The following HS6ST3 variants were observed in gnomAD, a reference collection of about 807,000 sequenced individuals.
The protein encoded by HS6ST3 is heparan-sulfate 6-O-sulfotransferase 3.
A neutral mutation model predicts 36.7 loss-of-function variants in HS6ST3; 12 were observed. The ratio of observed to expected loss-of-function variants is 0.33; its 90% CI spans 0.21 to 0.53. The LOEUF is 0.53. Among genes scored for constraint, HS6ST3 ranks in the 20% least tolerant of loss-of-function variants. HS6ST3 has a pLI of 0.95. For missense variants in HS6ST3, 584 were observed against 640.9 expected (o/e 0.91, Z 0.96); for synonymous variants, 240 against 257.5 (o/e 0.93, Z 0.65).
intron 1 of HS6ST3, among the ~76,000 whole-genome samples, chr13:96,652,070 C>T (rs1016983874): frequency 3.3e-5 from 5 of 151,900 alleles, no homozygotes; most frequent in African/African-American, 7.3e-5. Context: ...TATTAAACTT[C>T]TATTATATAT....
intron 1 of HS6ST3, among the ~76,000 whole-genome samples, chr13:96,705,209 T>C (rs1054981650): frequency 6.6e-6 from 1 of 152,192 alleles, no homozygotes; most frequent in African/African-American, 2.4e-5. Context: ...TGTATAATGA[T>C]TGGCATCCAC....
chr13:96,126,380 G>A (rs1227349124), intron 1 of HS6ST3, among the ~76,000 whole-genome samples: 5 of 152,194 alleles, frequency 3.3e-5, no homozygotes, highest in East Asian at 1.9e-4. Context: ...GACCTTAGTC[G>A]TTGAACCCTT....
chr13:96,331,471 A>G (rs1032115406), intron 1 of HS6ST3, among the ~76,000 whole-genome samples: 4 of 152,026 alleles, frequency 2.6e-5, no homozygotes, highest in Non-Finnish European at 5.9e-5. Context: ...TGCCGGGGGG[A>G]TGCCTCCCAG....
At chr13:96,209,772 G>A (rs1315376565) in intron 1 of HS6ST3, among the ~76,000 whole-genome samples, 3 of 152,150 alleles carry the variant, frequency 2.0e-5, no homozygotes, top group South Asian at 2.1e-4. Context: ...TACATAGCAC[G>A]GCTTCTGTCT....
chr13:96,469,029 G>T (rs2055828033), intron 1 of HS6ST3, among the ~76,000 whole-genome samples: 1 of 151,990 alleles, frequency 6.6e-6, no homozygotes, highest in Non-Finnish European at 1.5e-5. Context: ...TTTCCATGCT[G>T]TGTCTTTCTT....
chr13:96,616,197 AG>A (rs1158281668), intron 1 of HS6ST3, among the ~76,000 whole-genome samples: 2 of 152,178 alleles, frequency 1.3e-5, no homozygotes, highest in African/African-American at 4.8e-5. Context: ...TTATATACAA[AG>A]GCACCTGTAT....
At chr13:96,634,250 G>C (rs1384757967) in intron 1 of HS6ST3, among the ~76,000 whole-genome samples, 2 of 152,178 alleles carry the variant, frequency 1.3e-5, no homozygotes, top group African/African-American at 2.4e-5. Context: ...AGTGAGAAGG[G>C]AGCATGTCCC....
intron 1 of HS6ST3, among the ~76,000 whole-genome samples, chr13:96,700,804 C>T (rs1875266293): frequency 6.6e-6 from 1 of 152,160 alleles, no homozygotes. Flanking sequence ...AAATTGTTTC[C>T]TTCTGGCCTA....
chr13:96,612,227 G>A (rs1018866669), intron 1 of HS6ST3, among the ~76,000 whole-genome samples: 2 of 152,062 alleles, frequency 1.3e-5, no homozygotes, highest in African/African-American at 4.8e-5. Flanking sequence ...TTCCTGCTTA[G>A]GTCCTGAGAG....
intron 1 of HS6ST3, among the ~76,000 whole-genome samples, chr13:96,650,416 G>C (rs190441815): frequency 6.6e-6 from 1 of 151,772 alleles, no homozygotes; most frequent in African/African-American, 2.4e-5. Context: ...TATCTATATC[G>C]AAGTCATTCC....
intron 1 of HS6ST3, among the ~76,000 whole-genome samples, chr13:96,298,936 T>C (rs2054868463): frequency 1.3e-5 from 2 of 152,202 alleles, no homozygotes; most frequent in African/African-American, 4.8e-5. Flanking sequence ...TTTTTAAATT[T>C]GTAAGTTCAG....
chr13:96,609,142 T>C (rs1216867998), intron 1 of HS6ST3, among the ~76,000 whole-genome samples: 3 of 151,928 alleles, frequency 2.0e-5, no homozygotes, highest in Non-Finnish European at 4.4e-5. Context: ...GCTAATTTTT[T>C]TGTATTTTTA....
chr13:96,289,531 TA>T (rs2054819386), intron 1 of HS6ST3, among the ~76,000 whole-genome samples: 1 of 152,130 alleles, frequency 6.6e-6, no homozygotes, highest in Admixed American at 6.6e-5. Flanking sequence ...GCAATCAAAA[TA>T]AATGGTTACC....
chr13:96,556,803 CT>C (rs1006251096), intron 1 of HS6ST3, among the ~76,000 whole-genome samples: 28 of 152,270 alleles, frequency 1.8e-4, no homozygotes, highest in Admixed American at 1.3e-3. Flanking sequence ...ACAATAGGAA[CT>C]GTAGCCCAAG....
rs2055906569 is a variant in HS6ST3 at position 96,484,864 on chromosome 13, T to C, written c.708-347626T>C. On this transcript the variant is annotated intron_variant, in intron 1 of 1. Transcript: ENST00000376705. The stretch of plus-strand genomic sequence containing the variant: ...TCATTTCCTTTGGATGTATGTGAGA[T>C]TGCTGGGTCATATGTTAATTTTATT... Among the ~76,000 whole-genome samples the C allele has an allele frequency of 2.0e-5, 3 of 152,184 alleles. No individual in the cohort carries two copies. The South Asian group carries it at 6.2e-4, about 31-fold the overall frequency.
chr13:96,122,110 G>GTATTATTAT (rs55776008), intron 1 of HS6ST3, among the ~76,000 whole-genome samples: 80,708 of 144,946 alleles, frequency 0.56, 23,885 homozygotes, highest in East Asian at 0.67. Flanking sequence ...ACCCTTTCAG[G>GTATTATTAT]TATTATTATT....
chr13:96,571,181 G>A (rs1207592525), intron 1 of HS6ST3, among the ~76,000 whole-genome samples: 1 of 152,314 alleles, frequency 6.6e-6, no homozygotes, highest in African/African-American at 2.4e-5. Context: ...TATAGTTAAA[G>A]GCTTCTTTCT....
chr13:96,145,470 T>A (rs556150492), intron 1 of HS6ST3, among the ~76,000 whole-genome samples: 1 of 152,290 alleles, frequency 6.6e-6, no homozygotes, highest in Admixed American at 6.5e-5. Context: ...AAGTGTCTGT[T>A]ATATCCTTCG....
At chr13:96,175,364 T>C (rs1566900039) in intron 1 of HS6ST3, among the ~76,000 whole-genome samples, 1 of 152,114 alleles carries the variant, frequency 6.6e-6, no homozygotes, top group Non-Finnish European at 1.5e-5. Flanking sequence ...AACAGTTTTT[T>C]TTTTCTTTTG....
Sources: allele counts gnomAD v4.1 joint callset (sites outside exome capture counted in the v4.1 genomes callset), GRCh38; gene constraint gnomAD v4.1.1; transcripts MANE v1.5; gene names NCBI Gene and HGNC (gene_info 2026-07-23, HGNC 2026-07-21).